Variants in NELL1 observed in about 807,000 individuals in gnomAD.
The protein encoded by NELL1 is neural EGFL like 1.
NELL1 carries 76 observed loss-of-function variants against 107.4 expected under a neutral mutation model. The ratio of observed to expected loss-of-function variants is 0.71; its 90% CI spans 0.59 to 0.86. NELL1 has a LOEUF of 0.86. Ranked by LOEUF, NELL1 falls within the 40% of genes least tolerant of loss-of-function variation. The pLI is 0.00. For synonymous variants in NELL1, 353 were observed against 341.2 expected (o/e 1.03, Z -0.38); for missense variants, 1,024 against 1,005.5 (o/e 1.02, Z -0.25).
rs142782640 is a variant in NELL1 at position 20,776,492 on chromosome 11, A to T, written c.185-7188A>T. Among the ~76,000 whole-genome samples, 746 of 151,960 alleles carry T rather than the reference A, an allele frequency of 4.9e-3. 6 individuals carry two copies. Among genetic ancestry groups the T allele is most frequent in the African/African-American group, 0.017 (709 of 41,520 alleles). On this transcript the variant is annotated intron_variant, in intron 2 of 19. Coordinates refer to ENST00000357134, the MANE Select transcript of NELL1 (RefSeq NM_006157.5). ...AAATAAAATTTTATATATATATATC[A>T]CTTAATAAAATGATTACACATGTAA...
intron 17 of NELL1, among the ~76,000 whole-genome samples, chr11:21,567,594 TA>T (rs1857002202): frequency 6.6e-6 from 1 of 151,980 alleles, no homozygotes; most frequent in East Asian, 2.0e-4. Context: ...TGTTGTTATA[TA>T]TGTAGCTGGC....
chr11:21,453,054 T>A (rs1189175964), intron 15 of NELL1, among the ~76,000 whole-genome samples: 3 of 152,088 alleles, frequency 2.0e-5, no homozygotes, highest in African/African-American at 7.2e-5. Context: ...ATTTAATATT[T>A]ACTGAAAATT....
chr11:21,439,623 G>T (rs1374854414), intron 15 of NELL1, among the ~76,000 whole-genome samples: 1 of 152,000 alleles, frequency 6.6e-6, no homozygotes, highest in Non-Finnish European at 1.5e-5. Context: ...TCTGCTTTTG[G>T]GATCATTTCT....
intron 15 of NELL1, among the ~76,000 whole-genome samples, chr11:21,402,043 G>C (rs927881231): frequency 2.6e-5 from 4 of 151,724 alleles, no homozygotes; most frequent in African/African-American, 9.7e-5. Flanking sequence ...TTCAAATCTG[G>C]ATATCAGCAT....
chr11:21,384,692 C>T (rs1043855773), intron 15 of NELL1, among the ~76,000 whole-genome samples: 21 of 151,704 alleles, frequency 1.4e-4, no homozygotes, highest in African/African-American at 2.2e-4. Context: ...TGAGAATATG[C>T]GGTGTTTGGT....
intron 5 of NELL1, among the ~76,000 whole-genome samples, chr11:20,886,253 AT>A (rs1048574563): frequency 3.3e-5 from 5 of 151,930 alleles, no homozygotes; most frequent in Admixed American, 1.3e-4. Context: ...TACATCCAAA[AT>A]TTTTTTTAAA....
At chr11:21,191,882 A>G (rs996213960) in intron 13 of NELL1, among the ~76,000 whole-genome samples, 4 of 152,062 alleles carry the variant, frequency 2.6e-5, no homozygotes, top group Admixed American at 2.6e-4. Flanking sequence ...TAACTAAAGC[A>G]TTATTCAAAT....
At chr11:21,299,506 CTT>C (rs1849446215) in intron 14 of NELL1, among the ~76,000 whole-genome samples, 1 of 123,702 alleles carries the variant, frequency 8.1e-6, no homozygotes, top group Non-Finnish European at 1.7e-5. Flanking sequence ...ATTTTATTGT[CTT>C]ATATGTGTGT....
chr11:21,219,178 TG>T (rs1489688702), intron 13 of NELL1, among the ~76,000 whole-genome samples: 1 of 152,152 alleles, frequency 6.6e-6, no homozygotes, highest in African/African-American at 2.4e-5. Context: ...CCATTTTAAC[TG>T]GGGTGAGATA....
Position 21,324,454 on chromosome 11 carries a change from C to A in NELL1, c.1550-46399C>A, listed in dbSNP as rs189810993. Among the ~76,000 whole-genome samples, 486 of 152,176 alleles carry A rather than the reference C, an allele frequency of 3.2e-3. 1 individual carries two copies. Among genetic ancestry groups the A allele is most frequent in the African/African-American group, 0.011 (461 of 41,556 alleles). ...TGTTGATTTTCCTCAAGAGATTTTA[C>A]ATTTTCTTCTAATATTTGTTCTACA... On this transcript the variant is annotated intron_variant, in intron 14 of 19. Coordinates refer to ENST00000357134, the MANE Select transcript of NELL1 (RefSeq NM_006157.5).
intron 13 of NELL1, among the ~76,000 whole-genome samples, chr11:21,138,183 GTC>G (rs1429749644): frequency 6.6e-6 from 1 of 152,084 alleles, no homozygotes; most frequent in Non-Finnish European, 1.5e-5. Context: ...TGCTCTCTCA[GTC>G]TCTCCATCTG....
chr11:21,214,010 A>G (rs998666120), intron 13 of NELL1, among the ~76,000 whole-genome samples: 1 of 152,178 alleles, frequency 6.6e-6, no homozygotes, highest in African/African-American at 2.4e-5. Context: ...GCATTGTGAA[A>G]GACTGTGATA....
intron 5 of NELL1, among the ~76,000 whole-genome samples, chr11:20,899,821 C>T (rs753070132): frequency 2.6e-5 from 4 of 152,066 alleles, no homozygotes; most frequent in Non-Finnish European, 4.4e-5. Flanking sequence ...TTGTTAACAA[C>T]TTTATGCCAA....
chr11:21,062,392 T>C (rs1359685396), intron 12 of NELL1, among the ~76,000 whole-genome samples: 2 of 152,286 alleles, frequency 1.3e-5, no homozygotes, highest in Non-Finnish European at 2.9e-5. Flanking sequence ...GATCTAGAAG[T>C]ATGAGAAGAC....
chr11:21,407,903 C>G (rs1355567467), intron 15 of NELL1, among the ~76,000 whole-genome samples: 1 of 151,864 alleles, frequency 6.6e-6, no homozygotes. Context: ...TTCAAATACT[C>G]TCATACTCCA....
At chr11:21,003,433 T>C (rs1266482570) in intron 12 of NELL1, among the ~76,000 whole-genome samples, 4 of 152,282 alleles carry the variant, frequency 2.6e-5, no homozygotes, top group African/African-American at 9.6e-5. Context: ...CACATAAATC[T>C]TGTGCTTTGG....
At chr11:21,227,577 C>A (rs1303406767) in intron 13 of NELL1, among the ~76,000 whole-genome samples, 2 of 152,076 alleles carry the variant, frequency 1.3e-5, no homozygotes, top group African/African-American at 2.4e-5. Context: ...ATGTTTCTAA[C>A]CTTGTCTGCT....
rs56900585 is a variant in NELL1 at position 21,088,059 on chromosome 11, CTGTGTGTGTGTGTGTG to C, written c.1301-25498_1301-25483del. 5.0e-4 allele frequency among the ~76,000 whole-genome samples: 68 copies of C among 136,068 alleles called. No individual in the cohort carries two copies. The East Asian group carries it at 7.0e-3, about 14-fold the overall frequency. The allele number at this position is 136,068 out of a possible 152,430, so 89.3% of individuals were successfully genotyped here. On this transcript the variant is annotated intron_variant, in intron 12 of 19. Coordinates refer to ENST00000357134, the MANE Select transcript of NELL1 (RefSeq NM_006157.5). ...TTGTTTTCTGTGAGTCCCAGTAGCT[CTGTGTGTGTGTGTGTG>C]TGTGTGTGTGTGTGTGTGTGTGTGT...
chr11:21,272,522 A>C (rs1230143740), intron 14 of NELL1, among the ~76,000 whole-genome samples: 1 of 152,232 alleles, frequency 6.6e-6, no homozygotes, highest in African/African-American at 2.4e-5. Context: ...CTGCAGACTT[A>C]AATGTCCCTG....
Sources: gnomAD v4.1 joint callset for allele counts (sites outside exome capture counted in the v4.1 genomes callset) on GRCh38, gnomAD v4.1.1 for gene constraint, MANE v1.5 for transcripts, NCBI Gene and HGNC (gene_info 2026-07-23, HGNC 2026-07-21) for gene names.